NCOR2: variants seen among roughly 807,000 people sequenced by gnomAD.
NCOR2 encodes nuclear receptor corepressor 2, also known as CTG repeat protein 26.
NCOR2 carries 81 observed loss-of-function variants against 262.9 expected under a neutral mutation model. That is an observed-to-expected ratio of 0.31 (90% CI 0.26 to 0.37). NCOR2 has a LOEUF of 0.37. Among genes scored for constraint, NCOR2 ranks in the 10% least tolerant of loss-of-function variants. The pLI, the probability that NCOR2 is intolerant of heterozygous loss-of-function variation, is 1.00. For synonymous variants in NCOR2, 1,659 were observed against 1,559.3 expected (o/e 1.06, Z -1.51); for missense variants, 3,385 against 3,621.4 (o/e 0.93, Z 1.68).
chr12:124,394,561 T>C (rs1433682361), intron 16 of NCOR2, among the ~76,000 whole-genome samples: 1 of 152,130 alleles, frequency 6.6e-6, no homozygotes, highest in African/African-American at 2.4e-5. Context: ...GGTGGGTCCT[T>C]GTAAGAAGAG....
At chr12:124,525,348 C>A (rs1221624645) in intron 1 of NCOR2, among the ~76,000 whole-genome samples, 1 of 152,206 alleles carries the variant, frequency 6.6e-6, no homozygotes, top group African/African-American at 2.4e-5. Flanking sequence ...AAAATGAGTC[C>A]CCCGAAACTG....
chr12:124,528,978 G>A (rs1477402986), intron 1 of NCOR2, among the ~76,000 whole-genome samples: 1 of 152,102 alleles, frequency 6.6e-6, no homozygotes, highest in African/African-American at 2.4e-5. Flanking sequence ...TCGGGAATTC[G>A]AGACCAGCCT....
In NCOR2 at chr12:124,466,185, G is replaced by A. The variant is rs761420828; in HGVS notation, c.693C>T (p.Tyr231=). 8.3e-5 allele frequency: 133 copies of A among 1,608,130 alleles called. 1 individual carries two copies. In the South Asian group the frequency reaches 9.6e-4, roughly 12 times the overall value. Residue 231 remains tyrosine (Y), a synonymous_variant, in exon 5 of 47, where the codon TAC becomes TAT. Coordinates refer to ENST00000405201, the Ensembl canonical transcript of NCOR2. ...CGGGGACACATACCCGGTTCTCGTCGTAGATGATCTGCACCAGGCTGCGGT... is the reference window on the plus strand; with the variant it reads ...CGGGGACACATACCCGGTTCTCGTCATAGATGATCTGCACCAGGCTGCGGT...
At chr12:124,380,583 G>A (rs1297456297) in intron 17 of NCOR2, among the ~76,000 whole-genome samples, 1 of 152,228 alleles carries the variant, frequency 6.6e-6, no homozygotes, top group East Asian at 1.9e-4. Context: ...TGTGGGTTCT[G>A]CGGCTGCGGC....
At chr12:124,499,295 G>GTCTGGCT (rs112393546), upstream of NCOR2, among the ~76,000 whole-genome samples, 633 of 152,360 alleles carry the variant, frequency 4.2e-3, 10 homozygotes, top group African/African-American at 0.015. Context: ...TCGCCGCTGC[G>GTCTGGCT]TCTGGCTGCG....
exon 33 of NCOR2, chr12:124,343,098 G>T: frequency 6.2e-7 from 1 of 1,612,498 alleles, no homozygotes; most frequent in Non-Finnish European, 8.5e-7. Context: ...ACGCCCCGAA[G>T]CAGGTGCTCA....
chr12:124,452,344 G>A (rs1354448975), intron 6 of NCOR2, among the ~76,000 whole-genome samples: 4 of 152,204 alleles, frequency 2.6e-5, no homozygotes, highest in African/African-American at 9.6e-5. Flanking sequence ...TCAAATGCAG[G>A]CCAGGTGCAA....
intron 1 of NCOR2, among the ~76,000 whole-genome samples, chr12:124,512,215 G>T (rs1226718949): frequency 1.3e-5 from 2 of 152,110 alleles, no homozygotes; most frequent in Non-Finnish European, 2.9e-5. Flanking sequence ...CCCGGCCAAC[G>T]ACAGCAATTT....
rs1200450608 is a variant in NCOR2 at position 124,531,354 on chromosome 12, G to A, written c.-118+4211C>T. 1.3e-5 allele frequency among the ~76,000 whole-genome samples: 2 copies of A among 152,174 alleles called. No homozygotes were observed. Among genetic ancestry groups the A allele is most frequent in the African/African-American group, 4.8e-5 (2 of 41,454 alleles). On this transcript the variant is annotated intron_variant, in intron 1 of 46. Coordinates refer to the NCOR2 transcript ENST00000404621. The surrounding 1 kb of genome is among the most constrained non-coding windows in gnomAD (Gnocchi z 4.5). ...GGCAGGGCAGGCGCCTGGAGCCAACGGCAGGAGGGGCATCCCCCGGGCCCG... is the reference window on the plus strand; with the variant it reads ...GGCAGGGCAGGCGCCTGGAGCCAACAGCAGGAGGGGCATCCCCCGGGCCCG...
intron 13 of NCOR2, among the ~76,000 whole-genome samples, chr12:124,412,611 C>A (rs930842934): frequency 6.6e-6 from 1 of 152,214 alleles, no homozygotes; most frequent in Non-Finnish European, 1.5e-5. Context: ...AAGGGCCGTT[C>A]CAGCTTGAGT....
At chr12:124,402,901 T>C (rs367678969) in intron 13 of NCOR2, among the ~76,000 whole-genome samples, 445 of 152,270 alleles carry the variant, frequency 2.9e-3, no homozygotes, top group African/African-American at 0.01. Context: ...TGCCGACTCC[T>C]TCGCCTTGAC....
intron 18 of NCOR2, among the ~76,000 whole-genome samples, chr12:124,375,182 C>G (rs918882394): frequency 2.0e-5 from 3 of 152,228 alleles, no homozygotes; most frequent in Admixed American, 1.3e-4. Context: ...GTGTCCTTAA[C>G]CCCTGGCCTT....
At chr12:124,399,165 C>T (rs1565908169) in intron 15 of NCOR2, among the ~76,000 whole-genome samples, 1 of 152,096 alleles carries the variant, frequency 6.6e-6, no homozygotes, top group Non-Finnish European at 1.5e-5. Flanking sequence ...CCCCATCAGC[C>T]CCGACAGGCC....
upstream of NCOR2, chr12:124,538,750 G>C (rs1681184947): frequency 6.5e-6 from 1 of 153,012 alleles, no homozygotes; most frequent in Non-Finnish European, 1.5e-5. Context: ...AGAGCATCAT[G>C]CATTAGAGAG....
chr12:124,491,120 G>T (rs188004289), intron 1 of NCOR2, among the ~76,000 whole-genome samples: 2 of 152,304 alleles, frequency 1.3e-5, no homozygotes, highest in African/African-American at 2.4e-5. Flanking sequence ...CATACGGGCC[G>T]CGAAGGGCGG....
chr12:124,439,737 CAG>C (rs138274603), intron 7 of NCOR2, among the ~76,000 whole-genome samples: 51 of 145,568 alleles, frequency 3.5e-4, no homozygotes, highest in Non-Finnish European at 3.6e-4. Flanking sequence ...AAGAGAGGAT[CAG>C]AGAGAGAGAG....
At chr12:124,416,879 G>A (rs1459044182) in intron 13 of NCOR2, among the ~76,000 whole-genome samples, 1 of 151,788 alleles carries the variant, frequency 6.6e-6, no homozygotes, top group African/African-American at 2.4e-5. Flanking sequence ...TAGACCCGCC[G>A]CACAGGGAGA....
exon 7 of NCOR2, chr12:124,449,842 G>C: frequency 6.2e-7 from 1 of 1,614,114 alleles, no homozygotes. Context: ...ATACTGCCGG[G>C]TGTCGGAGGG....
At position 124,504,628 on chromosome 12, in the gene NCOR2, C is replaced by T. The variant is rs2048947152; in HGVS notation, c.-117-9260G>A. ...ATTTACATCAGCCAACAAGCAGAAA[C>T]AACCCAAATGTCCATCTACTGACAA... On this transcript the variant is annotated intron_variant, in intron 1 of 46. Transcript: ENST00000404621. This position sits in a 1 kb window ranked among gnomAD's most constrained non-coding sequence, Gnocchi z 4.5. 6.6e-6 allele frequency among the ~76,000 whole-genome samples: 1 copy of T among 152,218 alleles called. No homozygotes were observed. The highest frequency in any genetic ancestry group is 1.5e-5 in the Non-Finnish European group (1 of 68,048).
Sources: allele counts gnomAD v4.1 joint callset (sites outside exome capture counted in the v4.1 genomes callset), GRCh38; gene constraint gnomAD v4.1.1; non-coding constraint Gnocchi (gnomAD v3.1); transcripts MANE v1.5; gene names NCBI Gene and HGNC (gene_info 2026-07-23, HGNC 2026-07-21).